The following CPOX variants were observed in gnomAD, a reference collection of about 807,000 sequenced individuals.
CPOX encodes the protein oxygen-dependent coproporphyrinogen-III oxidase, mitochondrial.
CPOX carries 24 observed loss-of-function variants against 48.9 expected under a neutral mutation model. The observed-to-expected ratio is 0.49, with a 90% CI of 0.36 to 0.69. The LOEUF (loss-of-function observed/expected upper bound fraction) is 0.69, where lower values mean the gene tolerates loss of function less well. Ranked by LOEUF, CPOX falls within the 30% of genes least tolerant of loss-of-function variation. The pLI, the probability that CPOX is intolerant of heterozygous loss-of-function variation, is 0.00. For missense variants in CPOX, 549 were observed against 597.3 expected (o/e 0.92, Z 0.84); for synonymous variants, 249 against 234.6 (o/e 1.06, Z -0.56).
At chr3:98,585,100 A>G (rs1415575886) in intron 5 of CPOX, among the ~76,000 whole-genome samples, 5 of 152,200 alleles carry the variant, frequency 3.3e-5, no homozygotes, top group African/African-American at 7.2e-5. Context: ...AAAAGGTGTG[A>G]TTCCAAATTT....
chr3:98,576,124 T>A (rs983932963), downstream of CPOX, among the ~76,000 whole-genome samples: 3 of 145,062 alleles, frequency 2.1e-5, no homozygotes, highest in African/African-American at 7.7e-5. Flanking sequence ...GGTCTGTGAG[T>A]GCATTATTCT....
chr3:98,586,672 C>T (rs572385988), intron 4 of CPOX, among the ~76,000 whole-genome samples: 4 of 152,044 alleles, frequency 2.6e-5, no homozygotes, highest in African/African-American at 4.8e-5. Flanking sequence ...GGGCCGGACG[C>T]GGTGGCTGAC....
In CPOX at chr3:98,591,915, A is replaced by G. The variant is rs146319702; in HGVS notation, c.557-760T>C. 6.8e-3 allele frequency among the ~76,000 whole-genome samples: 1,027 copies of G among 152,106 alleles called. 8 individuals carry two copies. The highest frequency in any genetic ancestry group is 0.023 in the African/African-American group (942 of 41,516). Reference sequence around the variant, plus strand: ...CAAGTGGCTGCAACAATTTGTCTAAATGCTGTCTATGCTTCAGACAATATT... The same window carrying G: ...CAAGTGGCTGCAACAATTTGTCTAAGTGCTGTCTATGCTTCAGACAATATT... On this transcript the variant is annotated intron_variant, in intron 1 of 6. Coordinates refer to ENST00000647941, the MANE Select transcript of CPOX (RefSeq NM_000097.7).
At position 98,592,999 on chromosome 3, in the gene CPOX, T is replaced by A; in HGVS notation, c.506A>T (p.Gln169Leu). 6.2e-7 allele frequency: 1 copy of A among 1,613,936 alleles called. No individual in the cohort carries two copies. Among genetic ancestry groups the A allele is most frequent in the South Asian group, 1.1e-5 (1 of 91,034 alleles). The change falls in exon 1 of 7, where the codon CAG becomes CTG. Residue 169 changes from glutamine to leucine, a missense_variant. By Grantham distance (113) the Gln-to-Leu change is moderately radical. Transcript: ENST00000647941. The part of the protein sequence containing the change: ...TQAQVCQALA[Q>L]VDGGANFSVD... ...AGAAAAGTTGGCGCCCCCGTCTACC[T>A]GTGCCAGAGCCTGGCACACCTGGGC... is the stretch of plus-strand genomic sequence containing the variant.
At position 98,588,514 on chromosome 3, in the gene CPOX, C is replaced by A. The variant is rs192515749; in HGVS notation, c.953+199G>T. On this transcript the variant is annotated intron_variant, in intron 4 of 6. Transcript: ENST00000647941. ...CATTTGGAATAAAAAGATATTACTA[C>A]TCAATTTATATTAAATATTTCTAAG... Among the ~76,000 whole-genome samples, 606 of 152,338 alleles carry A rather than the reference C, an allele frequency of 4.0e-3. 6 individuals are homozygous for A. The highest frequency in any genetic ancestry group is 0.014 in the African/African-American group (577 of 41,572).
At chr3:98,590,809 C>T (rs1216915694) in intron 2 of CPOX, 67 bp from the exon 3 acceptor site, 1 of 1,259,040 alleles carries the variant, frequency 7.9e-7, no homozygotes. Flanking sequence ...CAATTTCACT[C>T]TAATATGATT....
At chr3:98,585,321 C>G in intron 5 of CPOX, 120 bp downstream of exon 5, 1 of 822,266 alleles carries the variant, frequency 1.2e-6, no homozygotes. Flanking sequence ...TAATATTCAT[C>G]TATGAAAAGA....
At position 98,591,151 on chromosome 3, in the gene CPOX, A is replaced by T. The variant is rs1240642573; in HGVS notation, c.561T>A (p.Gly187=). 6.2e-7 allele frequency: 1 copy of T among 1,614,124 alleles called. No individual in the cohort carries two copies. Among genetic ancestry groups the T allele is most frequent in the Non-Finnish European group, 8.5e-7 (1 of 1,180,006 alleles). The part of the protein sequence containing the change: ...SVDRWERKEG[G]GGISCVLQDG... ...CTTGAAGTACACAGCTGATGCCGCCACCTCCTGTGTATAGAAATGTAAAAA... is the reference window on the plus strand; with the variant it reads ...CTTGAAGTACACAGCTGATGCCGCCTCCTCCTGTGTATAGAAATGTAAAAA... The change falls in exon 2 of 7, where the codon GGT becomes GGA. Residue 187 remains glycine, a synonymous_variant. Coordinates refer to ENST00000647941, the MANE Select transcript of CPOX (RefSeq NM_000097.7).
At position 98,580,232 on chromosome 3, in the gene CPOX, T is replaced by G; in HGVS notation, c.*451A>C. Reference sequence around the variant, plus strand: ...TATTGACAAAGTAAAATTTTTACCTTCAAGTTGCATTCTAAAATTACTATG... The same window carrying G: ...TATTGACAAAGTAAAATTTTTACCTGCAAGTTGCATTCTAAAATTACTATG... On this transcript the variant is annotated 3_prime_UTR_variant, in exon 7 of 7. Transcript: ENST00000647941. 2 of 994,184 alleles carry G rather than the reference T, an allele frequency of 2.0e-6. No individual in the cohort carries two copies. Among genetic ancestry groups the G allele is most frequent in the Non-Finnish European group, 2.4e-6 (2 of 834,614 alleles). The allele number at this position is 994,184 out of a possible 1,614,324, so 61.6% of individuals were successfully genotyped here. A position where few individuals can be genotyped will look rare whatever the true frequency, so the allele number is the denominator to read the frequency against.
downstream of CPOX, among the ~76,000 whole-genome samples, chr3:98,576,515 T>C (rs1707164870): frequency 6.6e-6 from 1 of 152,220 alleles, no homozygotes; most frequent in Non-Finnish European, 1.5e-5. Flanking sequence ...TGAGGTTTTA[T>C]GTTGTACAAC....
intron 4 of CPOX, among the ~76,000 whole-genome samples, chr3:98,586,259 GA>G (rs1279747498): frequency 6.6e-6 from 1 of 152,190 alleles, no homozygotes; most frequent in Non-Finnish European, 1.5e-5. Context: ...AGTGAAAAGA[GA>G]AACAGTCCAA....
rs960243490 is a variant in CPOX at position 98,593,563 on chromosome 3, C to G, written c.-59G>C. ...TCCCAGAGCCCTGCGTTTGAGCCCC[C>G]CACCCAGACCCCCGGAGTATTGAGC... On this transcript the variant is annotated 5_prime_UTR_variant, in exon 1 of 7. Coordinates refer to ENST00000647941, the MANE Select transcript of CPOX (RefSeq NM_000097.7). 11 of 1,469,520 alleles carry G rather than the reference C, an allele frequency of 7.5e-6. No homozygotes were observed. The South Asian group carries it at 8.8e-5, about 12-fold the overall frequency. The allele number at this position is 1,469,520 out of a possible 1,614,324, so 91.0% of individuals were successfully genotyped here. A position where few individuals can be genotyped will look rare whatever the true frequency, so the allele number is the denominator to read the frequency against.
intron 1 of CPOX, 60 bp from the exon 2 acceptor site, chr3:98,591,215 C>T: frequency 6.4e-7 from 1 of 1,573,504 alleles, no homozygotes; most frequent in Non-Finnish European, 8.7e-7. Flanking sequence ...CTGAAAGCAA[C>T]ACTTGCATGA....
At chr3:98,575,775 T>C (rs1333637349), downstream of CPOX, among the ~76,000 whole-genome samples, 2 of 144,868 alleles carry the variant, frequency 1.4e-5, no homozygotes, top group Non-Finnish European at 3.0e-5. Context: ...ACTAAAAAAA[T>C]ACAAAAAATT....
intron 4 of CPOX, among the ~76,000 whole-genome samples, chr3:98,588,486 A>C (rs937012531): frequency 1.3e-5 from 2 of 152,222 alleles, no homozygotes; most frequent in Non-Finnish European, 2.9e-5. Flanking sequence ...TACCATTCTA[A>C]ATCATTTGGA....
Position 98,593,446 on chromosome 3 carries a change from C to G in CPOX, c.59G>C (p.Gly20Ala). ...SGPCWLVARG[G>A]CGGPRAWSQC... ...GGACCAGGCGCGGGGCCCTCCGCAG[C>G]CGCCCCGCGCCACGAGCCAGCAGGG... is the stretch of plus-strand genomic sequence containing the variant. Residue 20 changes from glycine to alanine, a missense_variant, in exon 1 of 7, where the codon GGC becomes GCC. Coordinates refer to ENST00000647941, the MANE Select transcript of CPOX (RefSeq NM_000097.7). 5 of 1,489,536 alleles carry G rather than the reference C, an allele frequency of 3.4e-6. No individual in the cohort carries two copies. Among genetic ancestry groups the G allele is most frequent in the Non-Finnish European group, 4.4e-6 (5 of 1,126,456 alleles). 92.3% of individuals were successfully genotyped at this position (1,489,536 alleles called of 1,614,324 possible). A position where few individuals can be genotyped will look rare whatever the true frequency, so the allele number is the denominator to read the frequency against.
rs1338073890 is a variant in CPOX at position 98,580,554 on chromosome 3, C to T, written c.*129G>A. The T allele has an allele frequency of 2.6e-6, 4 of 1,532,670 alleles. No individual in the cohort carries two copies. Among genetic ancestry groups the T allele is most frequent in the Non-Finnish European group, 8.8e-7 (1 of 1,139,794 alleles). The allele number at this position is 1,532,670 out of a possible 1,614,324, so 94.9% of individuals were successfully genotyped here. On this transcript the variant is annotated 3_prime_UTR_variant, in exon 7 of 7. Coordinates refer to ENST00000647941, the MANE Select transcript of CPOX (RefSeq NM_000097.7). ...TCCAAAACATGTTATCATCTGCCCACGAGGTAGGGTGCAGAGTGGAGAAGA... is the reference window on the plus strand; with the variant it reads ...TCCAAAACATGTTATCATCTGCCCATGAGGTAGGGTGCAGAGTGGAGAAGA...
chr3:98,570,775 C>T, the CPOX span, among the ~76,000 whole-genome samples: 1 of 152,186 alleles, frequency 6.6e-6, no homozygotes, highest in Non-Finnish European at 1.5e-5. Context: ...CAGAATCCAG[C>T]TGTAGAACAC....
intron 6 of CPOX, 46 bp downstream of exon 6, chr3:98,581,361 G>A (rs1360163406): frequency 3.7e-6 from 5 of 1,337,658 alleles, no homozygotes; most frequent in Non-Finnish European, 5.4e-6. Flanking sequence ...GGGTGTTTGG[G>A]AATTGGGAGT....
Sources: allele counts gnomAD v4.1 joint callset (sites outside exome capture counted in the v4.1 genomes callset), GRCh38; gene constraint gnomAD v4.1.1; transcripts MANE v1.5; gene names NCBI Gene and HGNC (gene_info 2026-07-23, HGNC 2026-07-21).